The following ADGRB2 variants were observed in gnomAD, a reference collection of about 807,000 sequenced individuals.
ADGRB2 encodes the protein adhesion G protein-coupled receptor B2.
In ADGRB2, 47 loss-of-function variants were observed where a neutral mutation model predicts 178.7. That is an observed-to-expected ratio of 0.26 (90% CI 0.21 to 0.34). The LOEUF (loss-of-function observed/expected upper bound fraction) is 0.34, where lower values mean the gene tolerates loss of function less well. Among genes scored for constraint, ADGRB2 ranks in the 10% least tolerant of loss-of-function variants. The pLI is 1.00. For synonymous variants in ADGRB2, 870 were observed against 912.4 expected, an observed-to-expected ratio of 0.95 and a Z score of 0.84; for missense variants, 1,584 against 2,180.8, an observed-to-expected ratio of 0.73 and a Z score of 5.45.
At position 31,733,933 on chromosome 1, in the gene ADGRB2, G is replaced by A. The variant is rs537738336; in HGVS notation, c.3453-790C>T. 7.2e-5 allele frequency among the ~76,000 whole-genome samples: 11 copies of A among 152,204 alleles called. No individual in the cohort carries two copies. Among genetic ancestry groups the A allele is most frequent in the East Asian group, 1.9e-4 (1 of 5,190 alleles). ...AGGCCACCATACCCTCCCGGGCCAG[G>A]TGCCACACTCAGCCCACTCTCCTTC... is the stretch of plus-strand genomic sequence containing the variant. On this transcript the variant is annotated intron_variant, in intron 25 of 32. Transcript: ENST00000373658. This position sits in a 1 kb window ranked among gnomAD's most constrained non-coding sequence, Gnocchi z 4.3.
In ADGRB2 at chr1:31,728,871, C is replaced by A. The variant is rs1191195684; in HGVS notation, c.4381-238G>T. Among the ~76,000 whole-genome samples, 1 of 148,186 alleles carries A rather than the reference C, an allele frequency of 6.7e-6. No individual in the cohort carries two copies. The highest frequency in any genetic ancestry group is 1.5e-5 in the Non-Finnish European group (1 of 66,976). On this transcript the variant is annotated intron_variant, in intron 29 of 32. Coordinates refer to ENST00000373658, the MANE Select transcript of ADGRB2 (RefSeq NM_001364857.2). The surrounding 1 kb of genome is among the most constrained non-coding windows in gnomAD (Gnocchi z 6.7). ...ACGTCAAATGGCATGGTGCGGACTT[C>A]CAACATGACAGGCCCAGATGCCCAC... is the stretch of plus-strand genomic sequence containing the variant.
chr1:31,746,088 C>T (rs1646257191), intron 4 of ADGRB2, among the ~76,000 whole-genome samples: 1 of 152,178 alleles, frequency 6.6e-6, no homozygotes, highest in South Asian at 2.1e-4. Flanking sequence ...CATTGACCAG[C>T]TGTGTGGCCT....
Position 31,738,941 on chromosome 1 carries a change from C to T in ADGRB2, c.2496-4G>A, listed in dbSNP as rs749053138. On this transcript the variant is annotated splice_polypyrimidine_tract_variant and splice_region_variant and intron_variant, in intron 15 of 32. Transcript: ENST00000373658. Reference sequence around the variant, plus strand: ...GGATGTGACGGCCAGCGGGGGCCTGCGGGACAGGTACCGAAGTCAGCTCCT... The same window carrying T: ...GGATGTGACGGCCAGCGGGGGCCTGTGGGACAGGTACCGAAGTCAGCTCCT... The T allele has an allele frequency of 9.3e-6, 15 of 1,604,664 alleles. No homozygotes were observed. The highest frequency in any genetic ancestry group is 4.4e-5 in the South Asian group (4 of 90,464).
rs1224548600 is a variant in ADGRB2, at chr1:31,759,616, G to A, written c.-190-2105C>T. On this transcript the variant is annotated intron_variant, in intron 1 of 32. Transcript: ENST00000373658. This position sits in a 1 kb window ranked among gnomAD's most constrained non-coding sequence, Gnocchi z 4.3. The stretch of plus-strand genomic sequence containing the variant: ...TTCTGGGATTTCGTCCTGGACATGC[G>A]TAACCCTCACTGTGCCGGCTATGAC... Among the ~76,000 whole-genome samples the A allele has an allele frequency of 2.6e-5, 4 of 152,176 alleles. No individual in the cohort carries two copies. The highest frequency in any genetic ancestry group is 7.2e-5 in the African/African-American group (3 of 41,434).
Position 31,728,724 on chromosome 1 carries a change from G to T in ADGRB2, c.4381-91C>A. ...GAGACAGGAAGCCTGGCATCCCAGG[G>T]GTCTGCCCGCTGCACCTTCCCCCCA... On this transcript the variant is annotated intron_variant, in intron 29 of 32. Transcript: ENST00000373658. The surrounding 1 kb of genome is among the most constrained non-coding windows in gnomAD (Gnocchi z 6.7). The T allele has an allele frequency of 6.6e-7, 1 of 1,508,578 alleles. No homozygotes were observed. Among genetic ancestry groups the T allele is most frequent in the South Asian group, 1.1e-5 (1 of 88,488 alleles). 93.4% of individuals were successfully genotyped at this position (1,508,578 alleles called of 1,614,324 possible). A position where few individuals can be genotyped will look rare whatever the true frequency, so the allele number is the denominator to read the frequency against.
intron 4 of ADGRB2, among the ~76,000 whole-genome samples, chr1:31,745,051 G>A (rs993655996): frequency 2.0e-5 from 3 of 152,222 alleles, no homozygotes; most frequent in Admixed American, 2.0e-4. Context: ...TGTGCCAAGT[G>A]CGGCCCATAA....
chr1:31,730,066 C>T (rs1569724915), intron 29 of ADGRB2, among the ~76,000 whole-genome samples: 1 of 152,256 alleles, frequency 6.6e-6, no homozygotes, highest in Admixed American at 6.5e-5. Flanking sequence ...ACATCCCCTT[C>T]ATGACTCCAA....
chr1:31,740,375 G>A lies in ADGRB2; in HGVS notation c.1961C>T (p.Thr654Ile). Reference sequence around the variant, plus strand: ...CACATCATCAGCCGAGGGCACGTAGGTGGCCCTCTTAAAGGTGTCAGTGAC... The same window carrying A: ...CACATCATCAGCCGAGGGCACGTAGATGGCCCTCTTAAAGGTGTCAGTGAC... ...RNVTDTFKRA[T>I]YVPSADDVQR... The change falls in exon 12 of 33, where the codon ACC (threonine) becomes ATC (isoleucine). Residue 654 changes from threonine to isoleucine, a missense_variant. Around this residue, in one of 3 missense-constraint regions of ADGRB2, gnomAD observed 62 missense variants for 140.3 expected, o/e 0.44. Transcript: ENST00000373658. The surrounding 1 kb of genome is among the most constrained non-coding windows in gnomAD (Gnocchi z 5.9). 1 of 1,613,642 alleles carries A rather than the reference G, an allele frequency of 6.2e-7. No individual in the cohort carries two copies. The highest frequency in any genetic ancestry group is 8.5e-7 in the Non-Finnish European group (1 of 1,179,726).
At chr1:31,752,909 C>T (rs1456909867) in intron 4 of ADGRB2, among the ~76,000 whole-genome samples, 2 of 152,164 alleles carry the variant, frequency 1.3e-5, no homozygotes, top group Non-Finnish European at 2.9e-5. Flanking sequence ...GGTGGCCACA[C>T]CTCAAGGATG....
Position 31,740,239 on chromosome 1 carries a change from A to C in ADGRB2, c.1990-61T>G. 1 of 1,610,144 alleles carries C rather than the reference A, an allele frequency of 6.2e-7. No homozygotes were observed. The highest frequency in any genetic ancestry group is 8.5e-7 in the Non-Finnish European group (1 of 1,177,704). ...CCCCAGGGAACAGGGGGCTTCCCCCACTATAGCCACACTTGCCGCCTCTAC... is the reference window on the plus strand; with the variant it reads ...CCCCAGGGAACAGGGGGCTTCCCCCCCTATAGCCACACTTGCCGCCTCTAC... On this transcript the variant is annotated intron_variant, in intron 12 of 32. Coordinates refer to ENST00000373658, the MANE Select transcript of ADGRB2 (RefSeq NM_001364857.2). The surrounding 1 kb of genome is among the most constrained non-coding windows in gnomAD (Gnocchi z 5.9).
intron 4 of ADGRB2, among the ~76,000 whole-genome samples, chr1:31,748,671 C>T (rs1646401778): frequency 6.6e-6 from 1 of 152,376 alleles, no homozygotes; most frequent in Admixed American, 6.5e-5. Context: ...GGGCCAGGTG[C>T]CCCAAGGCCT....
In ADGRB2 at chr1:31,739,530, C is replaced by T. The variant is rs1486561454; in HGVS notation, c.2273G>A (p.Arg758His). 14 of 1,612,976 alleles carry T rather than the reference C, an allele frequency of 8.7e-6. No individual in the cohort carries two copies. Among genetic ancestry groups the T allele is most frequent in the South Asian group, 2.2e-5 (2 of 91,076 alleles). Reference sequence around the variant, plus strand: ...GAGCACCTCCTTGGGCAGGAAGAGGCGGTCCTCTGAGTGCCGCACCCAGTC... The same window carrying T: ...GAGCACCTCCTTGGGCAGGAAGAGGTGGTCCTCTGAGTGCCGCACCCAGTC... Reference protein sequence around the residue: ...MKDWVRHSEDRLFLPKEVLSL... With the variant: ...MKDWVRHSEDHLFLPKEVLSL... The change falls in exon 15 of 33, where the codon CGC becomes CAC. Residue 758 changes from arginine (R) to histidine (H), a missense_variant. Physicochemically the swap from Arg to His is conservative, Grantham distance 29. Transcript: ENST00000373658.
chr1:31,740,251 C>G lies in ADGRB2; in HGVS notation c.1990-73G>C. ...GGGGGCTTCCCCCACTATAGCCACA[C>G]TTGCCGCCTCTACAGCAGACTCTGC... On this transcript the variant is annotated intron_variant, in intron 12 of 32. Coordinates refer to ENST00000373658, the MANE Select transcript of ADGRB2 (RefSeq NM_001364857.2). The surrounding 1 kb of genome is among the most constrained non-coding windows in gnomAD (Gnocchi z 5.9). 6.2e-7 allele frequency: 1 copy of G among 1,608,050 alleles called. No homozygotes were observed. The highest frequency in any genetic ancestry group is 8.5e-7 in the Non-Finnish European group (1 of 1,176,476).
At position 31,741,362 on chromosome 1, in the gene ADGRB2, G is replaced by A. The variant is rs1272760491; in HGVS notation, c.1794+11C>T. 3 of 1,590,896 alleles carry A rather than the reference G, an allele frequency of 1.9e-6. No individual in the cohort carries two copies. Among genetic ancestry groups the A allele is most frequent in the Admixed American group, 1.8e-5 (1 of 56,312 alleles). ...ATTCTGCTGTGCCCCAGCCCAGCAG[G>A]GTGCACTCACTGACAGATACAGGTA... On this transcript the variant is annotated intron_variant, in intron 11 of 32. Coordinates refer to ENST00000373658, the MANE Select transcript of ADGRB2 (RefSeq NM_001364857.2). This position sits in a 1 kb window ranked among gnomAD's most constrained non-coding sequence, Gnocchi z 6.5.
chr1:31,763,626 AG>A (rs1320437350), intron 1 of ADGRB2, among the ~76,000 whole-genome samples: 1 of 59,118 alleles, frequency 1.7e-5, no homozygotes, highest in Non-Finnish European at 3.2e-5. Flanking sequence ...GATGGGTAAG[AG>A]GGTCGGTCCA....
At chr1:31,745,654 G>A (rs985303397) in intron 4 of ADGRB2, among the ~76,000 whole-genome samples, 1 of 152,232 alleles carries the variant, frequency 6.6e-6, no homozygotes, top group Admixed American at 6.5e-5. Context: ...GGGACTGGAA[G>A]AGCCTTTGAG....
intron 14 of ADGRB2, 71 bp from the exon 15 acceptor site, chr1:31,739,706 G>T: frequency 6.7e-7 from 1 of 1,489,462 alleles, no homozygotes; most frequent in Non-Finnish European, 9.1e-7. Flanking sequence ...CAGGGGAAGA[G>T]ACAGATGTAG....
rs142624008 is a variant in ADGRB2 at position 31,738,220 on chromosome 1, C to T, written c.2752G>A (p.Ala918Thr). 1.5e-5 allele frequency: 24 copies of T among 1,614,022 alleles called. No homozygotes were observed. The highest frequency in any genetic ancestry group is 2.0e-5 in the Non-Finnish European group (24 of 1,180,028). The change falls in exon 18 of 33, where the codon GCC (alanine) becomes ACC (threonine). Residue 918 changes from alanine to threonine, a missense_variant. This residue lies in a region of ADGRB2 where 865 missense variants were observed against 1,192.8 expected (regional missense o/e 0.73). Coordinates refer to ENST00000373658, the MANE Select transcript of ADGRB2 (RefSeq NM_001364857.2). Reference sequence around the variant, plus strand: ...CTCACCAGGTCCTTGGGCGGCTGGGCTAGTACAGCAAAGGTGGACAGGTGC... The same window carrying T: ...CTCACCAGGTCCTTGGGCGGCTGGGTTAGTACAGCAAAGGTGGACAGGTGC... ...CQHLSTFAVL[A>T]QPPKDLTLEL...
rs748901226 is a variant in ADGRB2, at chr1:31,756,399, G to T, written c.438C>A (p.Gly146=). 1.9e-6 allele frequency: 3 copies of T among 1,612,836 alleles called. No individual in the cohort carries two copies. In the East Asian group the frequency reaches 6.7e-5, roughly 36 times the overall value. The change falls in exon 4 of 33, where the codon GGC becomes GGA. Residue 146 remains glycine, a synonymous_variant. Coordinates refer to ENST00000373658, the MANE Select transcript of ADGRB2 (RefSeq NM_001364857.2). This position sits in a 1 kb window ranked among gnomAD's most constrained non-coding sequence, Gnocchi z 8.5. ...TGTCGAAGTGCAGGAAGGTAAAGGGGCCTGAGCCGCTGCACAGCTCCAACC... is the reference window on the plus strand; with the variant it reads ...TGTCGAAGTGCAGGAAGGTAAAGGGTCCTGAGCCGCTGCACAGCTCCAACC... The part of the protein sequence containing the change: ...AAGLELCSGS[G]PFTFLHFDKN...
Sources: allele counts gnomAD v4.1 joint callset (sites outside exome capture counted in the v4.1 genomes callset), GRCh38; gene constraint gnomAD v4.1.1; regional missense constraint gnomAD v4.1.1; non-coding constraint Gnocchi (gnomAD v3.1); transcripts MANE v1.5; gene names NCBI Gene and HGNC (gene_info 2026-07-23, HGNC 2026-07-21).